Variants in CNTN5 observed in about 807,000 individuals in gnomAD.
CNTN5 encodes contactin-5.
Under a neutral mutation model 129.1 loss-of-function variants are expected in CNTN5, and 77 were observed. That is an observed-to-expected ratio of 0.60 (90% CI 0.50 to 0.72). CNTN5 has a LOEUF of 0.72. CNTN5 is among the 30% of genes least tolerant of loss of function. CNTN5 has a pLI of 0.00. For synonymous variants in CNTN5, 509 were observed against 465.6 expected (o/e 1.09, Z -1.20); for missense variants, 1,478 against 1,328.8 (o/e 1.11, Z -1.75).
chr11:100,337,480 A>G, intron 21 of CNTN5: 1 of 744,074 alleles, frequency 1.3e-6, no homozygotes, highest in East Asian at 2.6e-5. Flanking sequence ...CCAAGACCTG[A>G]GGGACTGAAC....
intron 1 of CNTN5, among the ~76,000 whole-genome samples, chr11:99,299,651 G>A (rs1018709268): frequency 6.6e-6 from 1 of 152,106 alleles, no homozygotes; most frequent in African/African-American, 2.4e-5. Flanking sequence ...TGTGGTATTT[G>A]ATTTTCTGTT....
chr11:99,205,777 A>G (rs1859448755), intron 1 of CNTN5, among the ~76,000 whole-genome samples: 1 of 152,188 alleles, frequency 6.6e-6, no homozygotes, highest in Non-Finnish European at 1.5e-5. Flanking sequence ...ATTATATTGC[A>G]TGCCATAAAT....
chr11:99,921,997 CA>C (rs762899773), intron 7 of CNTN5, among the ~76,000 whole-genome samples: 21 of 152,040 alleles, frequency 1.4e-4, no homozygotes, highest in Admixed American at 1.1e-3. Context: ...AAAATATAGT[CA>C]AAAAAGCTTG....
At chr11:99,735,999 ATTTC>A (rs1943694486) in intron 3 of CNTN5, among the ~76,000 whole-genome samples, 1 of 149,514 alleles carries the variant, frequency 6.7e-6, no homozygotes, top group South Asian at 2.1e-4. Context: ...GCTCCTCTTG[ATTTC>A]TTTTTCTTTC....
Position 99,510,061 on chromosome 11 carries a change from C to T in CNTN5, c.-70-46084C>T, listed in dbSNP as rs572123553. Reference sequence around the variant, plus strand: ...TGTTTCTATTATGGGGCTTAAATTGCGTAATACTGGCAGATTACTTAAAAC... The same window carrying T: ...TGTTTCTATTATGGGGCTTAAATTGTGTAATACTGGCAGATTACTTAAAAC... On this transcript the variant is annotated intron_variant, in intron 2 of 24. Transcript: ENST00000524871. Among the ~76,000 whole-genome samples, 8 of 151,534 alleles carry T rather than the reference C, an allele frequency of 5.3e-5. No homozygotes were observed. In the South Asian group the frequency reaches 1.7e-3, roughly 32 times the overall value.
chr11:99,478,066 A>C (rs868273288), intron 2 of CNTN5, among the ~76,000 whole-genome samples: 27 of 151,894 alleles, frequency 1.8e-4, no homozygotes, highest in African/African-American at 5.6e-4. Flanking sequence ...TCTTTTCTTT[A>C]TTTATTATCT....
At chr11:99,335,643 G>A (rs549823557) in intron 2 of CNTN5, among the ~76,000 whole-genome samples, 7 of 152,064 alleles carry the variant, frequency 4.6e-5, no homozygotes, top group South Asian at 4.2e-4. Flanking sequence ...TCCCTCTGAG[G>A]TTTCATACAA....
chr11:100,009,277 T>C (rs745967495), intron 9 of CNTN5, among the ~76,000 whole-genome samples: 1 of 152,070 alleles, frequency 6.6e-6, no homozygotes, highest in Non-Finnish European at 1.5e-5. Flanking sequence ...CTCCTAGAAA[T>C]AGCTCTTAAA....
intron 3 of CNTN5, among the ~76,000 whole-genome samples, chr11:99,806,111 T>A (rs1233758964): frequency 4.6e-5 from 7 of 152,208 alleles, no homozygotes; most frequent in Non-Finnish European, 1.0e-4. Context: ...TGAACTTTTT[T>A]TTCTTTGCCT....
chr11:99,407,748 A>G (rs1296138964), intron 2 of CNTN5, among the ~76,000 whole-genome samples: 4 of 152,036 alleles, frequency 2.6e-5, no homozygotes, highest in South Asian at 2.1e-4. Context: ...GACTGTTAGA[A>G]TCTGTAACTC....
At chr11:100,118,433 T>C (rs1945910276) in intron 13 of CNTN5, among the ~76,000 whole-genome samples, 1 of 151,892 alleles carries the variant, frequency 6.6e-6, no homozygotes, top group South Asian at 2.1e-4. Flanking sequence ...TATTTGGTCA[T>C]AGAAATAAGA....
chr11:99,705,839 C>T (rs1403712298), intron 3 of CNTN5, among the ~76,000 whole-genome samples: 2 of 151,230 alleles, frequency 1.3e-5, no homozygotes, highest in Non-Finnish European at 3.0e-5. Context: ...ATTACATAGT[C>T]CTGATCCTCA....
At chr11:99,224,261 G>A (rs1860558270) in intron 1 of CNTN5, among the ~76,000 whole-genome samples, 1 of 152,010 alleles carries the variant, frequency 6.6e-6, no homozygotes, top group Non-Finnish European at 1.5e-5. Flanking sequence ...TACGTATTTC[G>A]ATGTTATACC....
At position 99,454,433 on chromosome 11, in the gene CNTN5, TG is replaced by T. The variant is rs202035894; in HGVS notation, c.-70-101711del. 7.0e-3 allele frequency among the ~76,000 whole-genome samples: 1,066 copies of T among 151,960 alleles called. 17 individuals carry two copies. Among genetic ancestry groups the T allele is most frequent in the African/African-American group, 0.024 (987 of 41,498 alleles). ...TCTCATAATAGTGAGTGAGTTCTCA[TG>T]AGATCTGATGGTTTTATAAGGGTCT... On this transcript the variant is annotated intron_variant, in intron 2 of 24. Transcript: ENST00000524871.
intron 3 of CNTN5, among the ~76,000 whole-genome samples, chr11:99,638,499 C>G (rs1951648147): frequency 6.6e-6 from 1 of 152,168 alleles, no homozygotes; most frequent in Non-Finnish European, 1.5e-5. Context: ...AGTCCAAAGT[C>G]TCATCTGAGT....
At chr11:100,118,380 G>T (rs1035090124) in intron 13 of CNTN5, among the ~76,000 whole-genome samples, 2 of 151,758 alleles carry the variant, frequency 1.3e-5, no homozygotes, top group Admixed American at 1.3e-4. Context: ...AGGCAGTACT[G>T]CTCGTTACAC....
At chr11:100,013,491 A>G (rs1940646741) in intron 9 of CNTN5, among the ~76,000 whole-genome samples, 1 of 152,220 alleles carries the variant, frequency 6.6e-6, no homozygotes, top group African/African-American at 2.4e-5. Flanking sequence ...GTTGTCAACA[A>G]TCTGAGTATA....
At chr11:99,540,040 C>T (rs58678892) in intron 2 of CNTN5, among the ~76,000 whole-genome samples, 1 of 152,136 alleles carries the variant, frequency 6.6e-6, no homozygotes, top group African/African-American at 2.4e-5. Flanking sequence ...CCTGTGTCAT[C>T]TGAGAAAATG....
intron 2 of CNTN5, among the ~76,000 whole-genome samples, chr11:99,503,712 A>G (rs947465135): frequency 1.1e-4 from 17 of 152,190 alleles, no homozygotes; most frequent in African/African-American, 1.4e-4. Context: ...TAATTGACAT[A>G]TAGATGGGTA....
Sources: allele counts gnomAD v4.1 joint callset (sites outside exome capture counted in the v4.1 genomes callset), GRCh38; gene constraint gnomAD v4.1.1; transcripts MANE v1.5; gene names NCBI Gene and HGNC (gene_info 2026-07-23, HGNC 2026-07-21).